Variants in RPH3A observed in about 807,000 individuals in gnomAD.
RPH3A encodes rabphilin-3A.
RPH3A carries 48 observed loss-of-function variants against 102.2 expected under a neutral mutation model. The observed-to-expected ratio is 0.47, with a 90% CI of 0.37 to 0.60. The LOEUF is 0.60. Ranked by LOEUF, RPH3A falls within the 20% of genes least tolerant of loss-of-function variation. The pLI is 0.00. For missense variants in RPH3A, 781 were observed against 910.1 expected, an observed-to-expected ratio of 0.86 and a Z score of 1.83; for synonymous variants, 310 against 324.3, an observed-to-expected ratio of 0.96 and a Z score of 0.47.
At position 112,723,321 on chromosome 12, in the gene RPH3A, T is replaced by C. The variant is rs187441007; in HGVS notation, c.-139-68822T>C. ...TGATATGTATTGTATACTGTAGTCT[T>C]ACAATAAAGTAAGCTAGAGAAAAGA... On this transcript the variant is annotated intron_variant, in intron 1 of 21. Coordinates refer to the RPH3A transcript ENST00000543106. 1.8e-3 allele frequency among the ~76,000 whole-genome samples: 275 copies of C among 152,346 alleles called. 2 individuals carry two copies. Among genetic ancestry groups the C allele is most frequent in the Non-Finnish European group, 3.2e-3 (215 of 68,032 alleles).
intron 1 of RPH3A, among the ~76,000 whole-genome samples, chr12:112,636,028 T>A (rs2039846607): frequency 6.6e-6 from 1 of 152,154 alleles, no homozygotes; most frequent in South Asian, 2.1e-4. Flanking sequence ...AAAATCAGTG[T>A]CTTAAACATG....
intron 5 of RPH3A, among the ~76,000 whole-genome samples, chr12:112,857,998 G>C (rs1299067808): frequency 6.6e-6 from 1 of 152,148 alleles, no homozygotes; most frequent in Non-Finnish European, 1.5e-5. Context: ...ACTGGGTGTA[G>C]TGTCTCATAC....
chr12:112,841,711 T>TTTG (rs2042150183), intron 4 of RPH3A, among the ~76,000 whole-genome samples: 2 of 150,840 alleles, frequency 1.3e-5, no homozygotes, highest in African/African-American at 4.9e-5. Flanking sequence ...TTTTTGGTTT[T>TTTG]TTTTTTTTTT....
intron 1 of RPH3A, among the ~76,000 whole-genome samples, chr12:112,600,180 G>C (rs2039548244): frequency 6.6e-6 from 1 of 152,108 alleles, no homozygotes; most frequent in Non-Finnish European, 1.5e-5. Context: ...CTCCCTTGGG[G>C]TATAATTAGA....
In RPH3A at chr12:112,800,810, A is replaced by G. The variant is rs1451810634; in HGVS notation, c.-19+8547A>G. 2.0e-5 allele frequency among the ~76,000 whole-genome samples: 3 copies of G among 152,116 alleles called. No homozygotes were observed. The East Asian group carries it at 5.8e-4, about 29-fold the overall frequency. ...GTGCAGCAGTTGTGATCCTGGGGAC[A>G]TGGAGAGGGGCCTTGGCTGTAACCA... On this transcript the variant is annotated intron_variant, in intron 2 of 21. Coordinates refer to ENST00000389385, the MANE Select transcript of RPH3A (RefSeq NM_001143854.2).
chr12:112,738,805 G>A (rs1035561737), intron 1 of RPH3A, among the ~76,000 whole-genome samples: 9 of 152,090 alleles, frequency 5.9e-5, no homozygotes, highest in Admixed American at 1.3e-4. Flanking sequence ...TCCTAATTGT[G>A]GCTTGCATTT....
chr12:112,713,035 T>TTCC (rs1565857375), intron 1 of RPH3A, among the ~76,000 whole-genome samples: 1 of 78,764 alleles, frequency 1.3e-5, no homozygotes, highest in African/African-American at 6.8e-5. Flanking sequence ...CTTCTTCTTC[T>TTCC]TCTTCTTCTT....
At position 112,809,878 on chromosome 12, in the gene RPH3A, C is replaced by T. The variant is rs541891617; in HGVS notation, c.-19+17615C>T. ...AAACATGGAGTGAAGTGCCTCAGGG[C>T]GGAGTTGAACATCACCTTTCCCCGC... On this transcript the variant is annotated intron_variant, in intron 2 of 21. Transcript: ENST00000389385. Among the ~76,000 whole-genome samples the T allele has an allele frequency of 8.5e-5, 13 of 152,224 alleles. No homozygotes were observed. In the East Asian group the frequency reaches 1.5e-3, roughly 18 times the overall value.
intron 1 of RPH3A, among the ~76,000 whole-genome samples, chr12:112,694,681 CACAG>C (rs61631236): frequency 0.21 from 29,380 of 138,690 alleles, 3,011 homozygotes; most frequent in East Asian, 0.54. Context: ...CACACACACA[CACAG>C]AGAGAGAGAG....
chr12:112,580,467 G>A (rs1369335704), intron 1 of RPH3A, among the ~76,000 whole-genome samples: 2 of 141,126 alleles, frequency 1.4e-5, no homozygotes, highest in Non-Finnish European at 3.0e-5. Context: ...GCAGTGGCGC[G>A]ATCTCGGCTC....
chr12:112,665,943 T>C (rs932825017), intron 1 of RPH3A, among the ~76,000 whole-genome samples: 1 of 152,208 alleles, frequency 6.6e-6, no homozygotes, highest in African/African-American at 2.4e-5. Flanking sequence ...TCCTGAGCCA[T>C]GTACAGCCTT....
At chr12:112,604,088 A>G (rs2039577272) in intron 1 of RPH3A, among the ~76,000 whole-genome samples, 1 of 152,208 alleles carries the variant, frequency 6.6e-6, no homozygotes, top group African/African-American at 2.4e-5. Context: ...TGAGGTAATC[A>G]ATCTTTATGT....
At chr12:112,605,298 C>A (rs2039587122) in intron 1 of RPH3A, among the ~76,000 whole-genome samples, 1 of 152,144 alleles carries the variant, frequency 6.6e-6, no homozygotes, top group African/African-American at 2.4e-5. Flanking sequence ...TGGCTTGAAT[C>A]CGGGAGGCAG....
chr12:112,771,674 C>G (rs773244341), intron 1 of RPH3A, among the ~76,000 whole-genome samples: 2 of 152,212 alleles, frequency 1.3e-5, no homozygotes, highest in African/African-American at 2.4e-5. Context: ...TTTTCACTCT[C>G]ACTAAGAGTA....
intron 1 of RPH3A, among the ~76,000 whole-genome samples, chr12:112,675,028 C>A (rs1010802630): frequency 3.9e-5 from 6 of 152,316 alleles, no homozygotes; most frequent in Admixed American, 3.9e-4. Context: ...GCAATCTCTC[C>A]CCGCTCCAAA....
chr12:112,578,620 T>C (rs994212543), intron 1 of RPH3A, among the ~76,000 whole-genome samples: 2 of 152,194 alleles, frequency 1.3e-5, no homozygotes, highest in East Asian at 1.9e-4. Flanking sequence ...CCCTATGAAC[T>C]TCATTAGGGA....
chr12:112,848,578 T>G (rs1015725105), intron 5 of RPH3A, among the ~76,000 whole-genome samples: 3 of 152,116 alleles, frequency 2.0e-5, no homozygotes, highest in Non-Finnish European at 4.4e-5. Context: ...TTGTAAGTGT[T>G]GGGATGACAC....
intron 1 of RPH3A, among the ~76,000 whole-genome samples, chr12:112,612,562 T>G (rs2039647256): frequency 7.1e-6 from 1 of 140,614 alleles, no homozygotes; most frequent in Admixed American, 7.0e-5. Flanking sequence ...GTTTTGCCTT[T>G]TTTTTTTTTT....
intron 1 of RPH3A, among the ~76,000 whole-genome samples, chr12:112,721,292 G>T (rs2040548493): frequency 6.6e-6 from 1 of 152,118 alleles, no homozygotes; most frequent in Non-Finnish European, 1.5e-5. Flanking sequence ...GAATTTCAGG[G>T]ACCTGAAGGA....
Sources: gnomAD v4.1 joint callset for allele counts (sites outside exome capture counted in the v4.1 genomes callset) on GRCh38, gnomAD v4.1.1 for gene constraint, MANE v1.5 for transcripts, NCBI Gene and HGNC (gene_info 2026-07-23, HGNC 2026-07-21) for gene names.